FUT8: variants seen among roughly 807,000 people sequenced by gnomAD.
FUT8 encodes alpha-(1,6)-fucosyltransferase.
Under a neutral mutation model 71.3 loss-of-function variants are expected in FUT8, and 29 were observed. That is an observed-to-expected ratio of 0.41 (90% CI 0.30 to 0.55). The LOEUF (loss-of-function observed/expected upper bound fraction) is 0.55, where lower values mean the gene tolerates loss of function less well. Among genes scored for constraint, FUT8 ranks in the 20% least tolerant of loss-of-function variants. The probability of loss-of-function intolerance (pLI) is 0.34; values close to 1 mark genes in which losing one functional copy is unlikely to be tolerated. For missense variants in FUT8, 544 were observed against 702.1 expected, an observed-to-expected ratio of 0.77 and a Z score of 2.55; for synonymous variants, 254 against 239.3, an observed-to-expected ratio of 1.06 and a Z score of -0.57.
At chr14:65,590,216 A>G (rs1041624903) in intron 3 of FUT8, among the ~76,000 whole-genome samples, 3 of 152,210 alleles carry the variant, frequency 2.0e-5, no homozygotes, top group Non-Finnish European at 4.4e-5. Context: ...CCATGAGTTC[A>G]TGGCAGAAAA....
chr14:65,387,078 G>C, the FUT8 span, among the ~76,000 whole-genome samples: 3 of 152,180 alleles, frequency 2.0e-5, no homozygotes, highest in East Asian at 5.8e-4. Context: ...CTGACCTAAG[G>C]TGATCCGCCT....
chr14:65,384,583 T>C, the FUT8 span, among the ~76,000 whole-genome samples: 4 of 152,234 alleles, frequency 2.6e-5, no homozygotes, highest in Non-Finnish European at 4.4e-5. The surrounding 1 kb of genome is among the most constrained non-coding windows in gnomAD (Gnocchi z 4.2). Context: ...ATCAGTCAGA[T>C]TTATGATACA....
intron 2 of FUT8, among the ~76,000 whole-genome samples, chr14:65,520,378 C>A (rs1247487074): frequency 1.3e-5 from 2 of 152,020 alleles, no homozygotes; most frequent in Non-Finnish European, 2.9e-5. Flanking sequence ...TATGACTTCT[C>A]ATTTTCTTAA....
the FUT8 span, among the ~76,000 whole-genome samples, chr14:65,364,237 C>T: frequency 6.6e-6 from 1 of 151,916 alleles, no homozygotes; most frequent in Non-Finnish European, 1.5e-5. Context: ...TGGAGTCTTG[C>T]TCTGTCACCC....
At position 65,615,965 on chromosome 14, in the gene FUT8, C is replaced by A. The variant is rs1889259498; in HGVS notation, c.204-13C>A. 2 of 1,570,022 alleles carry A rather than the reference C, an allele frequency of 1.3e-6. No homozygotes were observed. Among genetic ancestry groups the A allele is most frequent in the Non-Finnish European group, 1.7e-6 (2 of 1,147,800 alleles). On this transcript the variant is annotated splice_polypyrimidine_tract_variant and intron_variant, in intron 3 of 10. Transcript: ENST00000673929. ...GAAAGCTAAATGTTTACATTATCTT[C>A]CCTAAACTACAGGATACCAGAAGGC...
In FUT8 at chr14:65,669,567, CAT is replaced by C. The variant is rs1172742154; in HGVS notation, c.835+89_835+90del. The C allele has an allele frequency of 3.5e-6, 3 of 863,056 alleles. No homozygotes were observed. In the African/African-American group the frequency reaches 5.0e-5, roughly 14 times the overall value. The allele number at this position is 863,056 out of a possible 1,614,324, so 53.5% of individuals were successfully genotyped here. On this transcript the variant is annotated intron_variant, in intron 7 of 10. Transcript: ENST00000673929. This position sits in a 1 kb window ranked among gnomAD's most constrained non-coding sequence, Gnocchi z 4.5. ...GATTTCTAGGTAGACCTTCATGGAA[CAT>C]ACTTATCTTTTCCTCTGGATCCATG... is the stretch of plus-strand genomic sequence containing the variant.
At position 65,721,971 on chromosome 14, in the gene FUT8, A is replaced by C. The variant is rs759563350; in HGVS notation, c.1032A>C (p.Lys344Asn). ...YLIRPQPWLE[K>N]EIEEATKKLG... ...TCCGCCCACAGCCTTGGCTAGAAAA[A>C]GAAATAGAAGAAGCCACCAAGAAGC... Residue 344 changes from lysine to asparagine, a missense_variant, in exon 8 of 11, where the codon AAA becomes AAC. Coordinates refer to ENST00000673929, the MANE Select transcript of FUT8 (RefSeq NM_001371533.1). 6 of 1,614,226 alleles carry C rather than the reference A, an allele frequency of 3.7e-6. No homozygotes were observed. Among genetic ancestry groups the C allele is most frequent in the Non-Finnish European group, 5.1e-6 (6 of 1,180,040 alleles).
chr14:65,726,550 C>T (rs912830911), intron 9 of FUT8, among the ~76,000 whole-genome samples: 5 of 152,166 alleles, frequency 3.3e-5, no homozygotes, highest in African/African-American at 7.2e-5. Context: ...TTCGCTATCA[C>T]GAGAACACCA....
chr14:65,732,548 G>A lies in FUT8; in HGVS notation c.1260-683G>A, dbSNP rs113011097. 1.3e-3 allele frequency among the ~76,000 whole-genome samples: 193 copies of A among 152,220 alleles called. 1 individual carries two copies. Among genetic ancestry groups the A allele is most frequent in the African/African-American group, 4.4e-3 (183 of 41,518 alleles). ...CCAGATTCTTTTCAAAAGACATCCT[G>A]TATGAATACTTTTAAACACACACTA... On this transcript the variant is annotated intron_variant, in intron 9 of 10. Coordinates refer to ENST00000673929, the MANE Select transcript of FUT8 (RefSeq NM_001371533.1).
At chr14:65,685,815 A>G (rs775805185) in intron 7 of FUT8, among the ~76,000 whole-genome samples, 1 of 152,206 alleles carries the variant, frequency 6.6e-6, no homozygotes, top group African/African-American at 2.4e-5. Context: ...GCCTCTTAGC[A>G]TGCTAATGTA....
intron 2 of FUT8, among the ~76,000 whole-genome samples, chr14:65,527,734 A>T (rs1302333119): frequency 6.6e-6 from 1 of 152,138 alleles, no homozygotes; most frequent in East Asian, 1.9e-4. Context: ...TCTGGAGTGG[A>T]AGTCATTTCT....
chr14:65,705,123 A>T (rs188446237), intron 7 of FUT8, among the ~76,000 whole-genome samples: 4 of 152,276 alleles, frequency 2.6e-5, no homozygotes, highest in Admixed American at 2.6e-4. Context: ...AGTTGACAGT[A>T]ATAATAGTCT....
intron 1 of FUT8, among the ~76,000 whole-genome samples, chr14:65,433,786 T>TTCTCTCTC (rs71126744): frequency 0.011 from 1,639 of 144,960 alleles, 44 homozygotes; most frequent in East Asian, 0.055. Flanking sequence ...CTTCTGTCTC[T>TTCTCTCTC]TCTCTCTCTC....
chr14:65,689,796 C>T (rs542758645), intron 7 of FUT8, among the ~76,000 whole-genome samples: 44 of 152,296 alleles, frequency 2.9e-4, no homozygotes, highest in African/African-American at 8.7e-4. Flanking sequence ...CTCGGCCTCC[C>T]GAAGTGCTAG....
chr14:65,714,743 C>G (rs1184663242), intron 7 of FUT8, among the ~76,000 whole-genome samples: 1 of 151,880 alleles, frequency 6.6e-6, no homozygotes, highest in African/African-American at 2.4e-5. Flanking sequence ...TTTTTGGTGT[C>G]CTCTTCCATT....
rs1885923338 is a variant in FUT8, at chr14:65,561,718, G to A, written c.155G>A (p.Arg52His). 4.3e-6 allele frequency: 7 copies of A among 1,613,518 alleles called. No homozygotes were observed. Among genetic ancestry groups the A allele is most frequent in the Non-Finnish European group, 5.9e-6 (7 of 1,179,638 alleles). The change falls in exon 3 of 11, where the codon CGC becomes CAC. Residue 52 changes from arginine (R) to histidine (H), a missense_variant. Coordinates refer to ENST00000673929, the MANE Select transcript of FUT8 (RefSeq NM_001371533.1). ...ELSKILAKLE[R>H]LKQQNEDLRR... ...TCCAAGATTCTGGCAAAGCTTGAACGCTTAAAACAACAGAATGAAGACTTG... is the reference window on the plus strand; with the variant it reads ...TCCAAGATTCTGGCAAAGCTTGAACACTTAAAACAACAGAATGAAGACTTG...
chr14:65,670,831 T>G (rs1892442201), intron 7 of FUT8, among the ~76,000 whole-genome samples: 1 of 152,198 alleles, frequency 6.6e-6, no homozygotes, highest in Admixed American at 6.5e-5. Flanking sequence ...CTGTATGGAT[T>G]AAAAGTATTG....
the FUT8 span, among the ~76,000 whole-genome samples, chr14:65,369,013 A>G: frequency 1.3e-5 from 2 of 152,256 alleles, no homozygotes; most frequent in African/African-American, 4.8e-5. The surrounding 1 kb of genome is among the most constrained non-coding windows in gnomAD (Gnocchi z 4.6). Flanking sequence ...CCAAAATACT[A>G]TTATTTCTAC....
At position 65,733,476 on chromosome 14, in the gene FUT8, A is replaced by G. The variant is rs1398396526; in HGVS notation, c.1410+95A>G. On this transcript the variant is annotated intron_variant, in intron 10 of 10. Coordinates refer to ENST00000673929, the MANE Select transcript of FUT8 (RefSeq NM_001371533.1). ...GTGTGTCTATGTGTTGTTAATGTTC[A>G]TTATTGTGACTCAGGTGCAATTTTT... 22 of 908,032 alleles carry G rather than the reference A, an allele frequency of 2.4e-5. No homozygotes were observed. In the Admixed American group the frequency reaches 5.3e-4, roughly 22 times the overall value. 56.2% of individuals were successfully genotyped at this position (908,032 alleles called of 1,614,324 possible).
Sources: allele counts gnomAD v4.1 joint callset (sites outside exome capture counted in the v4.1 genomes callset), GRCh38; gene constraint gnomAD v4.1.1; non-coding constraint Gnocchi (gnomAD v3.1); transcripts MANE v1.5; gene names NCBI Gene and HGNC (gene_info 2026-07-23, HGNC 2026-07-21).